The following PRKN variants were observed in gnomAD, a reference collection of about 807,000 sequenced individuals.
PRKN encodes the protein parkin RBR E3 ubiquitin protein ligase.
Under a neutral mutation model 59.5 loss-of-function variants are expected in PRKN, and 56 were observed. The observed-to-expected ratio is 0.94, with a 90% CI of 0.76 to 1.18. PRKN has a LOEUF of 1.18. PRKN is among the 50% of genes most tolerant of loss of function. PRKN has a pLI of 0.00. For synonymous variants in PRKN, 250 were observed against 222.1 expected, an observed-to-expected ratio of 1.13 and a Z score of -1.12; for missense variants, 657 against 596.4, an observed-to-expected ratio of 1.10 and a Z score of -1.06.
intron 3 of PRKN, among the ~76,000 whole-genome samples, chr6:162,252,209 G>A (rs1423074100): frequency 1.3e-5 from 2 of 152,188 alleles, no homozygotes; most frequent in African/African-American, 4.8e-5. Context: ...AACCAATGTA[G>A]CTGTTAGGAA....
At chr6:161,843,612 C>G (rs995306532) in intron 6 of PRKN, among the ~76,000 whole-genome samples, 1 of 152,064 alleles carries the variant, frequency 6.6e-6, no homozygotes, top group Non-Finnish European at 1.5e-5. Flanking sequence ...ATGGTGAAAC[C>G]CCATCTCTAC....
intron 2 of PRKN, among the ~76,000 whole-genome samples, chr6:162,373,366 T>C (rs895524978): frequency 6.6e-6 from 1 of 152,210 alleles, no homozygotes; most frequent in Non-Finnish European, 1.5e-5. Context: ...AAACTATGGT[T>C]CTTGGACAAT....
chr6:162,426,792 A>G (rs1305051327), intron 2 of PRKN, among the ~76,000 whole-genome samples: 1 of 152,238 alleles, frequency 6.6e-6, no homozygotes, highest in Non-Finnish European at 1.5e-5. Flanking sequence ...CTTTAAAAAT[A>G]TTCAAGGCCA....
intron 3 of PRKN, among the ~76,000 whole-genome samples, chr6:162,242,224 A>G (rs1416815512): frequency 6.6e-6 from 1 of 152,104 alleles, no homozygotes; most frequent in Non-Finnish European, 1.5e-5. Flanking sequence ...ACCTCATTTC[A>G]CTGTTGTATG....
intron 6 of PRKN, among the ~76,000 whole-genome samples, chr6:161,901,226 G>A (rs531010421): frequency 9.2e-5 from 14 of 152,072 alleles, no homozygotes; most frequent in African/African-American, 3.1e-4. Context: ...GTGAGCCACC[G>A]CGTCCAGCCA....
At chr6:161,609,370 CA>C (rs1782403683) in intron 7 of PRKN, among the ~76,000 whole-genome samples, 1 of 152,090 alleles carries the variant, frequency 6.6e-6, no homozygotes, top group African/African-American at 2.4e-5. Flanking sequence ...AGTTCATTAA[CA>C]GTGTTTTTTT....
At chr6:161,613,371 T>C (rs1782558622) in intron 7 of PRKN, among the ~76,000 whole-genome samples, 1 of 152,088 alleles carries the variant, frequency 6.6e-6, no homozygotes. Flanking sequence ...GCAAAGATTT[T>C]TTTTTTTTAA....
chr6:161,825,706 C>T (rs531908623), intron 6 of PRKN, among the ~76,000 whole-genome samples: 11 of 152,134 alleles, frequency 7.2e-5, no homozygotes, highest in African/African-American at 2.4e-4. Context: ...ACTGGAAATG[C>T]GAGGGTGTCT....
chr6:162,679,603 A>G (rs1021082047), intron 1 of PRKN, among the ~76,000 whole-genome samples: 1 of 152,182 alleles, frequency 6.6e-6, no homozygotes, highest in African/African-American at 2.4e-5. Context: ...AATATGTCTT[A>G]ACTGACATAT....
intron 1 of PRKN, among the ~76,000 whole-genome samples, chr6:162,505,313 T>C (rs1583686452): frequency 6.6e-6 from 1 of 152,288 alleles, no homozygotes; most frequent in African/African-American, 2.4e-5. Context: ...AGGACAATGA[T>C]TACATGCATT....
intron 4 of PRKN, among the ~76,000 whole-genome samples, chr6:162,142,752 G>T (rs1359918077): frequency 6.6e-6 from 1 of 152,166 alleles, no homozygotes. Flanking sequence ...CACCTACCAT[G>T]CTGAGCACTT....
chr6:161,960,042 G>C (rs747006540), intron 6 of PRKN, among the ~76,000 whole-genome samples: 72 of 152,268 alleles, frequency 4.7e-4, no homozygotes, highest in Non-Finnish European at 7.8e-4. Flanking sequence ...TGGGGTATAT[G>C]ATCCTAAACT....
intron 7 of PRKN, among the ~76,000 whole-genome samples, chr6:161,717,296 A>G (rs944789512): frequency 5.3e-5 from 8 of 152,222 alleles, no homozygotes; most frequent in African/African-American, 1.9e-4. Context: ...TGAGAATGGC[A>G]TGAATCCCCC....
intron 2 of PRKN, among the ~76,000 whole-genome samples, chr6:162,409,884 C>T (rs1209264566): frequency 6.6e-6 from 1 of 152,126 alleles, no homozygotes; most frequent in Non-Finnish European, 1.5e-5. Flanking sequence ...ATGGGAGCAG[C>T]GGAATCAGTG....
chr6:161,422,947 C>T (rs2115031688), intron 9 of PRKN, among the ~76,000 whole-genome samples: 1 of 152,308 alleles, frequency 6.6e-6, no homozygotes, highest in South Asian at 2.1e-4. Context: ...ACATCACTCA[C>T]AGCATGTGGA....
In PRKN at chr6:161,393,657, G is replaced by A. The variant is rs982653008; in HGVS notation, c.1084-6780C>T. 7.2e-5 allele frequency among the ~76,000 whole-genome samples: 11 copies of A among 152,158 alleles called. No individual in the cohort carries two copies. The highest frequency in any genetic ancestry group is 1.9e-4 in the African/African-American group (8 of 41,480). On this transcript the variant is annotated intron_variant, in intron 9 of 11. Coordinates refer to ENST00000366898, the MANE Select transcript of PRKN (RefSeq NM_004562.3). The surrounding 1 kb of genome is among the most constrained non-coding windows in gnomAD (Gnocchi z 4.7). The stretch of plus-strand genomic sequence containing the variant: ...CAAATGAACAGCTTCTAATGCAATC[G>A]GAATATTCCAGTGGCTGCTGATCAA...
chr6:162,703,441 T>C lies in PRKN; in HGVS notation c.7+24221A>G, dbSNP rs541385926. Among the ~76,000 whole-genome samples, 11 of 152,330 alleles carry C rather than the reference T, an allele frequency of 7.2e-5. No homozygotes were observed. In the Middle Eastern group the frequency reaches 0.01, roughly 141 times the overall value. ...ATCCTGTGGGTAAAACCAAAACAGA[T>C]TGATATTTCTAAACACCTGGAATTG... is the stretch of plus-strand genomic sequence containing the variant. On this transcript the variant is annotated intron_variant, in intron 1 of 11. Coordinates refer to ENST00000366898, the MANE Select transcript of PRKN (RefSeq NM_004562.3).
chr6:162,176,640 C>T (rs1349449076), intron 4 of PRKN, among the ~76,000 whole-genome samples: 16 of 152,038 alleles, frequency 1.1e-4, no homozygotes, highest in Admixed American at 9.2e-4. Flanking sequence ...CATCTAGAGG[C>T]TCGGAGACCT....
intron 6 of PRKN, among the ~76,000 whole-genome samples, chr6:161,926,763 C>A (rs1457549810): frequency 6.6e-6 from 1 of 152,104 alleles, no homozygotes; most frequent in East Asian, 1.9e-4. Context: ...TAGGAGAGTT[C>A]TTTGAAACTG....
Sources: allele counts gnomAD v4.1 joint callset (sites outside exome capture counted in the v4.1 genomes callset), GRCh38; gene constraint gnomAD v4.1.1; non-coding constraint Gnocchi (gnomAD v3.1); transcripts MANE v1.5; gene names NCBI Gene and HGNC (gene_info 2026-07-23, HGNC 2026-07-21).